Variants in ZPBP2 observed in about 807,000 individuals in gnomAD.
The protein encoded by ZPBP2 is zona pellucida binding protein 2, also known as zona pellucida-binding protein 2.
Under a neutral mutation model 37.5 loss-of-function variants are expected in ZPBP2, and 34 were observed. The observed-to-expected ratio is 0.91, with a 90% CI of 0.69 to 1.21. The LOEUF is 1.21. Among genes scored for constraint, ZPBP2 ranks in the 50% most tolerant of loss-of-function variants. The pLI is 0.00. For missense variants in ZPBP2, 397 were observed against 413.5 expected, an observed-to-expected ratio of 0.96 and a Z score of 0.35; for synonymous variants, 143 against 138.4, an observed-to-expected ratio of 1.03 and a Z score of -0.23.
Position 39,872,340 on chromosome 17 carries a change from C to T in ZPBP2, c.477C>T (p.Tyr159=), listed in dbSNP as rs1598262824. ...RFTTRSCIGR[Y]NDVFFRVLKK... is the part of the protein sequence containing the mutation. ...CCACAAGGTCTTGTATAGGGAGATA[C>T]AATGATGTATTCTTTAGAGTGCTGA... Residue 159 remains tyrosine, a synonymous_variant, in exon 5 of 8, where the codon TAC becomes TAT. Coordinates refer to ENST00000348931, the MANE Select transcript of ZPBP2 (RefSeq NM_199321.3). 1 of 1,613,040 alleles carries T rather than the reference C, an allele frequency of 6.2e-7. No homozygotes were observed. The highest frequency in any genetic ancestry group is 8.5e-7 in the Non-Finnish European group (1 of 1,179,612).
chr17:39,875,480 GA>G (rs1598264575), intron 7 of ZPBP2, 46 bp downstream of exon 7: 5 of 1,382,068 alleles, frequency 3.6e-6, no homozygotes, highest in Non-Finnish European at 4.8e-6. Flanking sequence ...TATAGAGTCA[GA>G]AGAATATATA....
In ZPBP2 at chr17:39,870,357, T is replaced by G. The variant is rs149800216; in HGVS notation, c.119-337T>G. 1.1e-3 allele frequency among the ~76,000 whole-genome samples: 173 copies of G among 152,340 alleles called. 1 individual carries two copies. The highest frequency in any genetic ancestry group is 3.8e-3 in the African/African-American group (160 of 41,578). ...CGTGCCCAGGCCTTTTCTGAACTTT[T>G]AATTGCTTCCACCAACCCTCCAAAA... On this transcript the variant is annotated intron_variant, in intron 2 of 7. Transcript: ENST00000348931.
chr17:39,874,798 TG>T (rs2144645374), intron 6 of ZPBP2, among the ~76,000 whole-genome samples: 1 of 152,298 alleles, frequency 6.6e-6, no homozygotes, highest in East Asian at 1.9e-4. Context: ...GTCGCCAGGC[TG>T]GAGTGCAGTG....
chr17:39,871,423 A>G (rs2063363960), intron 3 of ZPBP2, 41 bp from the exon 4 acceptor site: 1 of 1,396,270 alleles, frequency 7.2e-7, no homozygotes, highest in South Asian at 1.4e-5. Context: ...ATAATGCTTG[A>G]TATGTTATAT....
rs757247980 is a variant in ZPBP2 at position 39,875,409 on chromosome 17, A to G, written c.864A>G (p.Leu288=). 4 of 1,611,692 alleles carry G rather than the reference A, an allele frequency of 2.5e-6. No individual in the cohort carries two copies. Among genetic ancestry groups the G allele is most frequent in the Non-Finnish European group, 3.4e-6 (4 of 1,179,348 alleles). ...CAGGCTTTGGAAAAAATGAACGTCT[A>G]CACAGTAATTGCGCTAGCTGTTGTG... The part of the protein sequence containing the change: ...CRPGFGKNER[L]HSNCASCCVV... The change falls in exon 7 of 8, where the codon CTA becomes CTG. Residue 288 remains leucine, a synonymous_variant. Coordinates refer to ENST00000348931, the MANE Select transcript of ZPBP2 (RefSeq NM_199321.3).
rs1232190501 is a variant in ZPBP2, at chr17:39,875,278, T to G, written c.733T>G (p.Phe245Val). The G allele has an allele frequency of 2.5e-6, 4 of 1,611,602 alleles. No individual in the cohort carries two copies. The highest frequency in any genetic ancestry group is 3.4e-5 in the Admixed American group (2 of 59,368). ...GGCAAGAGATCGAATAGAAGACTTT[T>G]TTCGGAGCCAAGCATATATTTTCTA... ...LQARDRIEDF[F>V]RSQAYIFYHN... is the part of the protein sequence containing the mutation. The change falls in exon 7 of 8, where the codon TTT becomes GTT. Residue 245 changes from phenylalanine (F) to valine (V), a missense_variant. Phe to Val is a conservative substitution (Grantham distance 50). Coordinates refer to ENST00000348931, the MANE Select transcript of ZPBP2 (RefSeq NM_199321.3).
At chr17:39,874,725 G>A (rs1163488151) in intron 6 of ZPBP2, among the ~76,000 whole-genome samples, 2 of 150,330 alleles carry the variant, frequency 1.3e-5, no homozygotes, top group Admixed American at 6.6e-5. Flanking sequence ...GAGCCACCAC[G>A]CCCAGCCTAA....
At chr17:39,875,736 C>T (rs541987520) in intron 7 of ZPBP2, among the ~76,000 whole-genome samples, 33 of 151,848 alleles carry the variant, frequency 2.2e-4, no homozygotes, top group Non-Finnish European at 4.7e-4. Context: ...GTAGCTACCA[C>T]AGCTGGCTAA....
At chr17:39,876,031 AG>A (rs1177222164) in intron 7 of ZPBP2, among the ~76,000 whole-genome samples, 1 of 151,064 alleles carries the variant, frequency 6.6e-6, no homozygotes, top group Non-Finnish European at 1.5e-5. Flanking sequence ...CAGCCTCCTG[AG>A]TAGCCAGGAT....
intron 7 of ZPBP2, among the ~76,000 whole-genome samples, 177 bp from the exon 8 acceptor site, chr17:39,876,505 T>C (rs1362160686): frequency 1.3e-5 from 2 of 152,190 alleles, no homozygotes; most frequent in Non-Finnish European, 2.9e-5. Context: ...ATTATAAAGT[T>C]TGAAACTCAC....
Position 39,875,716 on chromosome 17 carries a change from A to G in ZPBP2, c.889+282A>G, listed in dbSNP as rs145809280. On this transcript the variant is annotated intron_variant, in intron 7 of 7. Coordinates refer to ENST00000348931, the MANE Select transcript of ZPBP2 (RefSeq NM_199321.3). ...AGGGTTCAAGTGATTCTTCTGCCTC[A>G]GCCTCCCCAGTAGCTACCACAGCTG... 7.3e-3 allele frequency among the ~76,000 whole-genome samples: 1,103 copies of G among 150,552 alleles called. 10 individuals carry two copies. The highest frequency in any genetic ancestry group is 0.026 in the African/African-American group (1,055 of 40,394).
intron 2 of ZPBP2, among the ~76,000 whole-genome samples, chr17:39,870,144 A>G (rs1274012862): frequency 6.6e-6 from 1 of 152,150 alleles, no homozygotes; most frequent in African/African-American, 2.4e-5. Flanking sequence ...CCCGGGTTCA[A>G]GCAAGTCTCC....
At chr17:39,868,747 G>A in intron 2 of ZPBP2, 133 bp downstream of exon 2, 4 of 1,004,848 alleles carry the variant, frequency 4.0e-6, no homozygotes, top group Non-Finnish European at 6.0e-6. Context: ...GCATCTGCTT[G>A]GCAGTTCACG....
rs1039505358 is a variant in ZPBP2 at position 39,871,523 on chromosome 17, C to A, written c.304C>A (p.Pro102Thr). Residue 102 changes from proline (P) to threonine (T), a missense_variant, in exon 4 of 8, where the codon CCT becomes ACT. Transcript: ENST00000348931. ...GQLMVKDFLE[P>T]LSGLYTCTLS... Reference sequence around the variant, plus strand: ...GCTGATGGTGAAAGATTTTTTGGAGCCTTTGTCTGGACTTTACACATGTAC... The same window carrying A: ...GCTGATGGTGAAAGATTTTTTGGAGACTTTGTCTGGACTTTACACATGTAC... 2.5e-6 allele frequency: 4 copies of A among 1,605,624 alleles called. No individual in the cohort carries two copies. Among genetic ancestry groups the A allele is most frequent in the Non-Finnish European group, 3.4e-6 (4 of 1,176,258 alleles).
Position 39,877,712 on chromosome 17 carries a change from T to C in ZPBP2, c.*903T>C, listed in dbSNP as rs1490748504. 1 of 152,224 alleles carries C rather than the reference T, an allele frequency of 6.6e-6. No homozygotes were observed. Among genetic ancestry groups the C allele is most frequent in the African/African-American group, 2.4e-5 (1 of 41,462 alleles). 9.4% of individuals were successfully genotyped at this position (152,224 alleles called of 1,614,324 possible). ...CAGTATGTAGACTTTTTAGACTGGCTTCTTTCACTTAGCAATATGCATTTA... is the reference window on the plus strand; with the variant it reads ...CAGTATGTAGACTTTTTAGACTGGCCTCTTTCACTTAGCAATATGCATTTA... On this transcript the variant is annotated 3_prime_UTR_variant, in exon 8 of 8. Transcript: ENST00000348931.
At chr17:39,870,435 T>C (rs906112383) in intron 2 of ZPBP2, among the ~76,000 whole-genome samples, 8 of 152,190 alleles carry the variant, frequency 5.3e-5, no homozygotes, top group African/African-American at 1.9e-4. Flanking sequence ...ACTTTAAATA[T>C]ATCATGTGTA....
chr17:39,875,301 C>T lies in ZPBP2; in HGVS notation c.756C>T (p.Phe252=). The change falls in exon 7 of 8, where the codon TTC becomes TTT. Residue 252 remains phenylalanine, a synonymous_variant. Transcript: ENST00000348931. ...TTTTTCGGAGCCAAGCATATATTTT[C>T]TACCATAACTTTAATAAAACTCTAC... is the stretch of plus-strand genomic sequence containing the variant. The part of the protein sequence containing the change: ...EDFFRSQAYI[F]YHNFNKTLPA... 1.2e-6 allele frequency: 2 copies of T among 1,613,742 alleles called. No individual in the cohort carries two copies. The highest frequency in any genetic ancestry group is 1.7e-6 in the Non-Finnish European group (2 of 1,179,916).
Position 39,870,765 on chromosome 17 carries a change from G to A in ZPBP2, c.190G>A (p.Glu64Lys). 6.4e-7 allele frequency: 1 copy of A among 1,571,884 alleles called. No individual in the cohort carries two copies. Among genetic ancestry groups the A allele is most frequent in the South Asian group, 1.2e-5 (1 of 83,408 alleles). ...ICMDFKLSKK[E>K]IVDPTYLWIG... Reference sequence around the variant, plus strand: ...TATGGATTTTAAGCTTTCTAAAAAAGAAATAGTGGACCCCACCTACTTATG... The same window carrying A: ...TATGGATTTTAAGCTTTCTAAAAAAAAAATAGTGGACCCCACCTACTTATG... Residue 64 changes from glutamate (E) to lysine (K), a missense_variant, in exon 3 of 8, where the codon GAA becomes AAA. Glu to Lys is a moderately conservative substitution (Grantham distance 56). Coordinates refer to ENST00000348931, the MANE Select transcript of ZPBP2 (RefSeq NM_199321.3).
At chr17:39,870,928 C>A in intron 3 of ZPBP2, 109 bp downstream of exon 3, 7 of 952,150 alleles carry the variant, frequency 7.4e-6, no homozygotes, top group Non-Finnish European at 1.0e-5. Context: ...ATGGCAGTTT[C>A]TCTTGCTCCC....
Sources: allele counts gnomAD v4.1 joint callset (sites outside exome capture counted in the v4.1 genomes callset), GRCh38; gene constraint gnomAD v4.1.1; transcripts MANE v1.5; gene names NCBI Gene and HGNC (gene_info 2026-07-23, HGNC 2026-07-21).